Variants in PTPRT observed in about 807,000 individuals in gnomAD.
PTPRT encodes the protein protein tyrosine phosphatase receptor type T.
PTPRT carries 56 observed loss-of-function variants against 176.8 expected under a neutral mutation model. The ratio of observed to expected loss-of-function variants is 0.32; its 90% confidence interval spans 0.26 to 0.40. The LOEUF is 0.40. Ranked by LOEUF, PTPRT falls within the 10% of genes least tolerant of loss-of-function variation. The pLI, the probability that PTPRT is intolerant of heterozygous loss-of-function variation, is 1.00. For synonymous variants in PTPRT, 783 were observed against 739.0 expected (o/e 1.06, Z -0.96); for missense variants, 1,540 against 1,908.2 (o/e 0.81, Z 3.60).
intron 2 of PTPRT, among the ~76,000 whole-genome samples, chr20:42,862,322 G>A (rs904633397): frequency 6.6e-5 from 10 of 152,134 alleles, no homozygotes; most frequent in African/African-American, 2.4e-4. Flanking sequence ...CATCATGCCT[G>A]GCACATGGTA....
intron 6 of PTPRT, among the ~76,000 whole-genome samples, chr20:42,708,975 T>C (rs2076102420): frequency 2.0e-5 from 3 of 152,304 alleles, no homozygotes; most frequent in South Asian, 4.1e-4. Flanking sequence ...GGGCAGCAAG[T>C]GCTGCAAATG....
intron 9 of PTPRT, among the ~76,000 whole-genome samples, chr20:42,379,572 T>TCTC (rs2058680851): frequency 1.3e-5 from 2 of 152,192 alleles, no homozygotes; most frequent in African/African-American, 4.8e-5. Context: ...AGGAGCTCGG[T>TCTC]CTCCAGCTCC....
chr20:43,130,332 C>T (rs2013605053), intron 1 of PTPRT, among the ~76,000 whole-genome samples: 1 of 152,070 alleles, frequency 6.6e-6, no homozygotes, highest in Non-Finnish European at 1.5e-5. Context: ...TCCCTTACCC[C>T]ACCCCCTACC....
chr20:42,054,111 T>C, the PTPRT span, among the ~76,000 whole-genome samples: 1 of 152,156 alleles, frequency 6.6e-6, no homozygotes, highest in Non-Finnish European at 1.5e-5. Flanking sequence ...GTATGGGACA[T>C]CTTGGGTGAT....
At chr20:42,475,744 T>G (rs1315674093) in intron 7 of PTPRT, among the ~76,000 whole-genome samples, 1 of 152,202 alleles carries the variant, frequency 6.6e-6, no homozygotes, top group African/African-American at 2.4e-5. Context: ...TGATCCCTGG[T>G]CTCCATTCTC....
At chr20:42,065,750 G>C in the PTPRT span, among the ~76,000 whole-genome samples, 1 of 152,176 alleles carries the variant, frequency 6.6e-6, no homozygotes, top group Non-Finnish European at 1.5e-5. Context: ...TTACAAGGAG[G>C]GTGAGCGGTG....
chr20:42,576,417 C>T lies in PTPRT; in HGVS notation c.1153+101449G>A, dbSNP rs542524489. ...GGTGCCTGGCCTGCAGCTGGTGTTC[C>T]GTAAACAGCTGCTGACTGACGGGAT... On this transcript the variant is annotated intron_variant, in intron 7 of 30. Coordinates refer to ENST00000373187, the MANE Select transcript of PTPRT (RefSeq NM_007050.6). Among the ~76,000 whole-genome samples the T allele has an allele frequency of 1.2e-4, 19 of 152,250 alleles. No individual in the cohort carries two copies. The East Asian group carries it at 2.9e-3, about 23-fold the overall frequency.
intron 7 of PTPRT, among the ~76,000 whole-genome samples, chr20:42,649,886 C>T (rs957830997): frequency 1.3e-5 from 2 of 152,158 alleles, no homozygotes; most frequent in Non-Finnish European, 2.9e-5. Flanking sequence ...GCAGGCAAGG[C>T]TTACTTGCCT....
chr20:42,161,211 C>T (rs1034302140), intron 17 of PTPRT, 141 bp downstream of exon 17: 2 of 868,742 alleles, frequency 2.3e-6, no homozygotes, highest in Non-Finnish European at 3.6e-6. Context: ...AGGGATGGGG[C>T]CTGAGATGTT....
intron 23 of PTPRT, among the ~76,000 whole-genome samples, chr20:42,108,791 T>TAGCCAACCC (rs1474926076): frequency 6.6e-6 from 1 of 152,226 alleles, no homozygotes; most frequent in Non-Finnish European, 1.5e-5. Context: ...CTTAGGCACT[T>TAGCCAACCC]AGCCAACCCA....
At chr20:42,273,991 GGA>G (rs2056983431) in intron 13 of PTPRT, among the ~76,000 whole-genome samples, 2 of 152,204 alleles carry the variant, frequency 1.3e-5, no homozygotes, top group Non-Finnish European at 2.9e-5. Flanking sequence ...GCAGGAATGG[GGA>G]GAGATTTTTC....
At chr20:42,768,273 G>A (rs1569144591) in intron 5 of PTPRT, among the ~76,000 whole-genome samples, 1 of 152,180 alleles carries the variant, frequency 6.6e-6, no homozygotes, top group East Asian at 1.9e-4. Context: ...GATTGGCAGA[G>A]AGCAGGGGAC....
At chr20:42,206,791 C>T (rs2055479869) in intron 15 of PTPRT, among the ~76,000 whole-genome samples, 2 of 152,258 alleles carry the variant, frequency 1.3e-5, no homozygotes, top group Admixed American at 1.3e-4. Context: ...GAGCCCACCA[C>T]AGCACAAGGA....
intron 1 of PTPRT, among the ~76,000 whole-genome samples, chr20:43,061,617 C>T (rs953774616): frequency 6.6e-6 from 1 of 152,208 alleles, no homozygotes; most frequent in Non-Finnish European, 1.5e-5. Context: ...ATAGTAATTG[C>T]CAATATCTAC....
chr20:42,104,304 A>T (rs193164861), intron 25 of PTPRT, among the ~76,000 whole-genome samples: 172 of 152,146 alleles, frequency 1.1e-3, no homozygotes, highest in African/African-American at 4.0e-3. Flanking sequence ...TCCTATCTCT[A>T]TAAAAAGTAA....
intron 2 of PTPRT, among the ~76,000 whole-genome samples, chr20:42,857,580 T>A (rs930070286): frequency 2.6e-5 from 4 of 152,184 alleles, no homozygotes; most frequent in African/African-American, 4.8e-5. Flanking sequence ...AGCTCATAAC[T>A]GTTTTTCCCT....
chr20:43,125,566 T>A (rs554901679), intron 1 of PTPRT, among the ~76,000 whole-genome samples: 2 of 152,352 alleles, frequency 1.3e-5, no homozygotes, highest in East Asian at 3.9e-4. Context: ...AGACTTGGCT[T>A]GAGCAAAACT....
chr20:42,292,008 G>A (rs563269041), intron 12 of PTPRT, among the ~76,000 whole-genome samples: 2 of 152,166 alleles, frequency 1.3e-5, no homozygotes, highest in East Asian at 1.9e-4. Context: ...ATGATGAGAT[G>A]GTGGTGCCTT....
At chr20:42,737,000 TG>T (rs2076550367) in intron 6 of PTPRT, among the ~76,000 whole-genome samples, 1 of 152,132 alleles carries the variant, frequency 6.6e-6, no homozygotes, top group Admixed American at 6.5e-5. Context: ...CAAAAGGAGT[TG>T]GGAGGGGGAT....
Sources: gnomAD v4.1 joint callset for allele counts (sites outside exome capture counted in the v4.1 genomes callset) on GRCh38, gnomAD v4.1.1 for gene constraint, MANE v1.5 for transcripts, NCBI Gene and HGNC (gene_info 2026-07-23, HGNC 2026-07-21) for gene names.